Variants in BIRC6 observed in about 807,000 individuals in gnomAD.
The protein encoded by BIRC6 is dual E2 ubiquitin-conjugating enzyme/E3 ubiquitin-protein ligase BIRC6.
A neutral mutation model predicts 503.3 loss-of-function variants in BIRC6; 98 were observed. The observed-to-expected ratio is 0.19, with a 90% confidence interval of 0.17 to 0.23. The LOEUF (loss-of-function observed/expected upper bound fraction) is 0.23. Among genes scored for constraint, BIRC6 ranks in the 10% least tolerant of loss-of-function variants. BIRC6 has a pLI of 1.00. For missense variants in BIRC6, 5,360 were observed against 5,806.0 expected, an observed-to-expected ratio of 0.92 and a Z score of 2.50; for synonymous variants, 2,240 against 2,078.7, an observed-to-expected ratio of 1.08 and a Z score of -2.11.
At chr2:32,504,125 C>T (rs1034034789) in intron 49 of BIRC6, among the ~76,000 whole-genome samples, 1 of 150,796 alleles carries the variant, frequency 6.6e-6, no homozygotes, top group Non-Finnish European at 1.5e-5. Flanking sequence ...GTCTTGAACT[C>T]CTGGCCCCAA....
At chr2:32,491,873 A>G (rs901700333) in intron 44 of BIRC6, among the ~76,000 whole-genome samples, 18 of 152,126 alleles carry the variant, frequency 1.2e-4, no homozygotes, top group African/African-American at 2.9e-4. Context: ...TTTGGAATCA[A>G]TAAATTTTAA....
chr2:32,543,634 T>A, intron 62 of BIRC6, 93 bp downstream of exon 62: 2 of 1,262,530 alleles, frequency 1.6e-6, no homozygotes, highest in Non-Finnish European at 2.2e-6. Context: ...TTTATTTCCT[T>A]CATAGTTAAG....
At position 32,357,811 on chromosome 2, in the gene BIRC6, G is replaced by A. The variant is rs180742404; in HGVS notation, c.325+325G>A. Among the ~76,000 whole-genome samples, 5 of 152,258 alleles carry A rather than the reference G, an allele frequency of 3.3e-5. No individual in the cohort carries two copies. The highest frequency in any genetic ancestry group is 6.5e-5 in the Admixed American group (1 of 15,304). The stretch of plus-strand genomic sequence containing the variant: ...TTGGCACCGGAGGAAGCGAGGCCCG[G>A]GTAGGCCCTGGAGAGGCTGTCGGTC... On this transcript the variant is annotated intron_variant, in intron 1 of 73. Transcript: ENST00000421745. The surrounding 1 kb of genome is among the most constrained non-coding windows in gnomAD (Gnocchi z 4.9).
chr2:32,601,795 T>C (rs1260234259), intron 70 of BIRC6, among the ~76,000 whole-genome samples: 1 of 152,174 alleles, frequency 6.6e-6, no homozygotes, highest in African/African-American at 2.4e-5. Flanking sequence ...AGTGAGTAAG[T>C]ATCTAATGTT....
At chr2:32,564,432 A>G (rs1351659868) in intron 65 of BIRC6, 1 of 152,194 alleles carries the variant, frequency 6.6e-6, no homozygotes, top group African/African-American at 2.4e-5. Flanking sequence ...GAGCATTAGC[A>G]TACAAATATC....
chr2:32,430,762 A>G (rs1221396483), intron 11 of BIRC6, 103 bp from the exon 12 acceptor site: 1 of 851,166 alleles, frequency 1.2e-6, no homozygotes, highest in Non-Finnish European at 1.8e-6. Context: ...AAGTGTTGCA[A>G]TAGAAAACCT....
chr2:32,617,631 A>G, intron 73 of BIRC6, 94 bp from the exon 74 acceptor site: 1 of 1,311,984 alleles, frequency 7.6e-7, no homozygotes, highest in South Asian at 1.5e-5. Flanking sequence ...TGTAGGCTTA[A>G]TGCTTTGGGC....
At chr2:32,365,519 C>T (rs1034636758) in intron 1 of BIRC6, among the ~76,000 whole-genome samples, 10 of 152,132 alleles carry the variant, frequency 6.6e-5, no homozygotes, top group Non-Finnish European at 7.3e-5. Context: ...CAGGGTTTCA[C>T]AATGTTGGCC....
chr2:32,462,031 C>G (rs755914567), intron 23 of BIRC6, among the ~76,000 whole-genome samples: 12 of 150,598 alleles, frequency 8.0e-5, no homozygotes, highest in Non-Finnish European at 1.2e-4. Flanking sequence ...GCCTTCTTTA[C>G]TTAATCAGCA....
intron 61 of BIRC6, 21 bp downstream of exon 61, chr2:32,531,572 C>A: frequency 6.4e-7 from 1 of 1,573,628 alleles, no homozygotes; most frequent in South Asian, 1.2e-5. Context: ...ATTTCCTAAT[C>A]GAGTATATCA....
chr2:32,542,988 C>T (rs1181031421), intron 61 of BIRC6, among the ~76,000 whole-genome samples: 2 of 151,082 alleles, frequency 1.3e-5, no homozygotes, highest in Admixed American at 6.6e-5. Flanking sequence ...TTAGTAGAGA[C>T]GGTGTTTCAC....
chr2:32,461,068 T>TTCTCTTCTCTTCTCCTCTCCTCTCC (rs2047890874), intron 23 of BIRC6, among the ~76,000 whole-genome samples: 17 of 26,874 alleles, frequency 6.3e-4, no homozygotes, highest in Admixed American at 1.1e-3. Context: ...TTCTCTTCTG[T>TTCTCTTCTCTTCTCCTCTCCTCTCC]TCTCCTCTCC....
At chr2:32,601,181 C>T (rs1322898004) in intron 70 of BIRC6, among the ~76,000 whole-genome samples, 1 of 152,220 alleles carries the variant, frequency 6.6e-6, no homozygotes, top group Non-Finnish European at 1.5e-5. Context: ...AGATACAACT[C>T]ATTAAATTAT....
At chr2:32,461,066 TG>T (rs2047889289) in intron 23 of BIRC6, among the ~76,000 whole-genome samples, 1 of 50,334 alleles carries the variant, frequency 2.0e-5, no homozygotes, top group African/African-American at 6.6e-5. Flanking sequence ...TCTTCTCTTC[TG>T]TTCTCCTCTC....
chr2:32,429,218 G>C lies in BIRC6; in HGVS notation c.2945G>C (p.Gly982Ala), dbSNP rs1186806007. The C allele has an allele frequency of 6.4e-7, 1 of 1,571,798 alleles. No homozygotes were observed. The change falls in exon 11 of 74, where the codon GGA (glycine) becomes GCA (alanine). Residue 982 changes from glycine to alanine, a missense_variant. Gly to Ala is a moderately conservative substitution (Grantham distance 60). Coordinates refer to ENST00000421745, the MANE Select transcript of BIRC6 (RefSeq NM_016252.4). ...GATGAAGCTGATATACTAGTGGATG[G>C]ATCTCTTTCTAAAGGAATAGAACCA... ...DIDEADILVDGSLSKGIEPSS... is the reference protein window; with the variant it reads ...DIDEADILVDASLSKGIEPSS...
intron 22 of BIRC6, chr2:32,449,149 G>T: frequency 2.5e-6 from 1 of 401,842 alleles, no homozygotes; most frequent in Non-Finnish European, 4.3e-6. Context: ...AAAGGGTTGT[G>T]ACTTTAATTT....
chr2:32,392,545 C>T (rs1573886917), intron 5 of BIRC6, among the ~76,000 whole-genome samples: 1 of 151,980 alleles, frequency 6.6e-6, no homozygotes, highest in African/African-American at 2.4e-5. Flanking sequence ...CATGCCAGGC[C>T]AGGAAAAAAA....
At chr2:32,465,365 G>A (rs1412181737) in intron 26 of BIRC6, among the ~76,000 whole-genome samples, 1 of 150,288 alleles carries the variant, frequency 6.7e-6, no homozygotes, top group African/African-American at 2.5e-5. Context: ...AAAGAGTGCT[G>A]TTGAGTAATG....
chr2:32,476,243 G>T lies in BIRC6; in HGVS notation c.6751G>T (p.Ala2251Ser), dbSNP rs930382575. 5.8e-6 allele frequency: 9 copies of T among 1,551,340 alleles called. No individual in the cohort carries two copies. The highest frequency in any genetic ancestry group is 7.0e-6 in the Non-Finnish European group (8 of 1,146,772). Residue 2251 changes from alanine to serine, a missense_variant, in exon 34 of 74, where the codon GCA becomes TCA. By Grantham distance (99) the Ala-to-Ser change is moderately conservative (BLOSUM62 1). Transcript: ENST00000421745. Reference protein sequence around the residue: ...QLNLLKAKQKALVEQMEKEKI... With the variant: ...QLNLLKAKQKSLVEQMEKEKI... ...TAACCTACTAAAAGCAAAGCAGAAGGCATTGGTAGAACAGATGGAAAAAGA... is the reference window on the plus strand; with the variant it reads ...TAACCTACTAAAAGCAAAGCAGAAGTCATTGGTAGAACAGATGGAAAAAGA...
Sources: allele counts gnomAD v4.1 joint callset (sites outside exome capture counted in the v4.1 genomes callset), GRCh38; gene constraint gnomAD v4.1.1; non-coding constraint Gnocchi (gnomAD v3.1); transcripts MANE v1.5; gene names NCBI Gene and HGNC (gene_info 2026-07-23, HGNC 2026-07-21).